MAPK10: variants seen among roughly 807,000 people sequenced by gnomAD.
MAPK10 encodes JNK3 alpha protein kinase.
MAPK10 carries 25 observed loss-of-function variants against 59.3 expected under a neutral mutation model. The ratio of observed to expected loss-of-function variants is 0.42; its 90% CI spans 0.31 to 0.59. MAPK10 has a LOEUF of 0.59. MAPK10 is among the 20% of genes least tolerant of loss of function. MAPK10 has a pLI of 0.15. For missense variants in MAPK10, 351 were observed against 568.9 expected (o/e 0.62, Z 3.90); for synonymous variants, 190 against 200.5 (o/e 0.95, Z 0.44).
intron 1 of MAPK10, among the ~76,000 whole-genome samples, chr4:86,580,585 G>A (rs1762195770): frequency 6.6e-6 from 1 of 151,886 alleles, no homozygotes; most frequent in South Asian, 2.1e-4. Flanking sequence ...TTTTAAATAT[G>A]CAACTTTATC....
At chr4:86,406,157 C>T (rs1396341190) in intron 1 of MAPK10, among the ~76,000 whole-genome samples, 2 of 152,140 alleles carry the variant, frequency 1.3e-5, no homozygotes, top group Non-Finnish European at 2.9e-5. Flanking sequence ...CAGAGTCCCT[C>T]GGCTTTCACT....
At chr4:86,262,376 A>G (rs775549895) in intron 2 of MAPK10, among the ~76,000 whole-genome samples, 5 of 152,226 alleles carry the variant, frequency 3.3e-5, no homozygotes, top group Non-Finnish European at 7.3e-5. Flanking sequence ...TGTTCTTTAT[A>G]AAATACCCAG....
chr4:86,429,300 T>C (rs931324678), intron 1 of MAPK10, among the ~76,000 whole-genome samples: 2 of 152,144 alleles, frequency 1.3e-5, no homozygotes, highest in African/African-American at 4.8e-5. Flanking sequence ...ATGAAGATAA[T>C]TCTTATCTGC....
chr4:86,075,604 C>T (rs1229597706), intron 9 of MAPK10, among the ~76,000 whole-genome samples: 1 of 151,940 alleles, frequency 6.6e-6, no homozygotes, highest in East Asian at 1.9e-4. Flanking sequence ...GTTAGTTTTC[C>T]TTCTAACAGA....
intron 1 of MAPK10, among the ~76,000 whole-genome samples, chr4:86,508,492 C>T (rs1037222003): frequency 2.0e-5 from 3 of 152,100 alleles, no homozygotes; most frequent in Admixed American, 1.3e-4. Context: ...CTGGTTTCTA[C>T]GGAGTTTACA....
intron 1 of MAPK10, among the ~76,000 whole-genome samples, chr4:86,507,640 A>G (rs1579429497): frequency 1.2e-5 from 1 of 82,506 alleles, no homozygotes; most frequent in Admixed American, 1.3e-4. Flanking sequence ...ATATATATAT[A>G]TATATATATA....
At chr4:86,315,685 G>A (rs1380041449) in intron 2 of MAPK10, among the ~76,000 whole-genome samples, 1 of 151,994 alleles carries the variant, frequency 6.6e-6, no homozygotes, top group Admixed American at 6.6e-5. Flanking sequence ...AATAGTTTTT[G>A]CCTGTTAATT....
At chr4:86,023,812 A>AATATATATAT (rs368982706) in intron 13 of MAPK10, 1,340 of 100,226 alleles carry the variant, frequency 0.013, 23 homozygotes, top group African/African-American at 0.021. Flanking sequence ...AGATCAAATG[A>AATATATATAT]ATATATATAT....
chr4:86,439,957 T>C (rs960316302), intron 1 of MAPK10, among the ~76,000 whole-genome samples: 2 of 152,216 alleles, frequency 1.3e-5, no homozygotes, highest in African/African-American at 4.8e-5. Flanking sequence ...TGTTTTTATA[T>C]GAGAAGAAAT....
chr4:86,397,871 A>C lies in MAPK10; in HGVS notation c.-121-43227T>G, dbSNP rs74904500. ...GCTCTGAATCTGCTATGGCAAAAAA[A>C]AAAAAAAAAAAAAAAAAAACTGGCT... On this transcript the variant is annotated intron_variant, in intron 1 of 13. Coordinates refer to the MAPK10 transcript ENST00000361569. 6.2e-3 allele frequency among the ~76,000 whole-genome samples: 940 copies of C among 150,616 alleles called. 9 individuals are homozygous for C. The highest frequency in any genetic ancestry group is 0.02 in the African/African-American group (841 of 41,244).
chr4:86,040,496 A>C (rs964467378), intron 11 of MAPK10, among the ~76,000 whole-genome samples: 1 of 152,166 alleles, frequency 6.6e-6, no homozygotes, highest in Non-Finnish European at 1.5e-5. Flanking sequence ...GATTTATGGG[A>C]GAGCATCAAA....
In MAPK10 at chr4:86,141,774, T is replaced by A. The variant is rs76331857; in HGVS notation, c.236+17524A>T. ...GCTAGAATTTTACATTACTAATATGTATGACAGTCCTATCTTAGTCCATTT... is the reference window on the plus strand; with the variant it reads ...GCTAGAATTTTACATTACTAATATGAATGACAGTCCTATCTTAGTCCATTT... On this transcript the variant is annotated intron_variant, in intron 4 of 13. Transcript: ENST00000641462. Among the ~76,000 whole-genome samples, 887 of 152,334 alleles carry A rather than the reference T, an allele frequency of 5.8e-3. 3 individuals are homozygous for A. The highest frequency in any genetic ancestry group is 0.02 in the African/African-American group (848 of 41,574).
intron 1 of MAPK10, among the ~76,000 whole-genome samples, chr4:86,510,188 T>C (rs1355686940): frequency 6.6e-6 from 1 of 152,048 alleles, no homozygotes; most frequent in Non-Finnish European, 1.5e-5. Flanking sequence ...GTGGTGCTCA[T>C]TGTAGCCTCA....
chr4:86,443,603 C>CCA (rs1167996731), intron 1 of MAPK10, among the ~76,000 whole-genome samples: 3 of 151,488 alleles, frequency 2.0e-5, no homozygotes, highest in African/African-American at 7.3e-5. Context: ...CCCTTTCCCA[C>CCA]CACACACACA....
chr4:86,494,427 G>A (rs113868553), intron 1 of MAPK10, among the ~76,000 whole-genome samples: 75 of 152,308 alleles, frequency 4.9e-4, no homozygotes, highest in African/African-American at 1.6e-3. Flanking sequence ...GAAGGCCATG[G>A]TCAGGAGAAG....
Position 86,189,053 on chromosome 4 carries a change from T to C in MAPK10, c.66+5283A>G, listed in dbSNP as rs116529936. On this transcript the variant is annotated intron_variant, in intron 3 of 13. Coordinates refer to ENST00000641462, the MANE Select transcript of MAPK10 (RefSeq NM_138982.4). ...ATTTTTGTTGAAGATCAGATGGTTG[T>C]AGATTTGGGGCATTATTTCTGAGGC... is the stretch of plus-strand genomic sequence containing the variant. Among the ~76,000 whole-genome samples, 1,066 of 152,304 alleles carry C rather than the reference T, an allele frequency of 7.0e-3. 12 individuals carry two copies. The highest frequency in any genetic ancestry group is 0.024 in the African/African-American group (1,011 of 41,572).
At chr4:86,515,687 G>T (rs916182594) in intron 1 of MAPK10, among the ~76,000 whole-genome samples, 1 of 151,358 alleles carries the variant, frequency 6.6e-6, no homozygotes, top group Non-Finnish European at 1.5e-5. Flanking sequence ...GGGATTATTT[G>T]TTTTTTTTCT....
intron 1 of MAPK10, among the ~76,000 whole-genome samples, chr4:86,530,559 C>T (rs903380677): frequency 6.6e-6 from 1 of 152,140 alleles, no homozygotes; most frequent in African/African-American, 2.4e-5. Flanking sequence ...GATCTGGAGG[C>T]TGGAAAGTCC....
chr4:86,183,071 G>A (rs768848586), intron 3 of MAPK10, among the ~76,000 whole-genome samples: 1 of 151,902 alleles, frequency 6.6e-6, no homozygotes, highest in Non-Finnish European at 1.5e-5. Context: ...ATTGATAATT[G>A]TTTTTGAGTT....
Sources: gnomAD v4.1 joint callset for allele counts (sites outside exome capture counted in the v4.1 genomes callset) on GRCh38, gnomAD v4.1.1 for gene constraint, MANE v1.5 for transcripts, NCBI Gene and HGNC (gene_info 2026-07-23, HGNC 2026-07-21) for gene names.